NRG3: variants seen among roughly 807,000 people sequenced by gnomAD.
The protein encoded by NRG3 is neuregulin 3.
A neutral mutation model predicts 66.9 loss-of-function variants in NRG3; 31 were observed. The ratio of observed to expected loss-of-function variants is 0.46; its 90% CI spans 0.35 to 0.63. NRG3 has a LOEUF of 0.63. Among genes scored for constraint, NRG3 ranks in the 20% least tolerant of loss-of-function variants. NRG3 has a pLI of 0.00. For missense variants in NRG3, 910 were observed against 878.9 expected, an observed-to-expected ratio of 1.04 and a Z score of -0.45; for synonymous variants, 393 against 359.4, an observed-to-expected ratio of 1.09 and a Z score of -1.06.
intron 1 of NRG3, among the ~76,000 whole-genome samples, chr10:82,225,691 T>G (rs2076134662): frequency 6.6e-6 from 1 of 152,182 alleles, no homozygotes; most frequent in Non-Finnish European, 1.5e-5. Context: ...ACAGATGTAA[T>G]TAACTATGTG....
At chr10:82,206,294 C>T (rs2075111823) in intron 1 of NRG3, among the ~76,000 whole-genome samples, 1 of 152,182 alleles carries the variant, frequency 6.6e-6, no homozygotes, top group South Asian at 2.1e-4. Flanking sequence ...TTGGTCTCTT[C>T]CCCACCAGAG....
At chr10:82,398,325 A>C (rs2086848118) in intron 2 of NRG3, among the ~76,000 whole-genome samples, 1 of 152,032 alleles carries the variant, frequency 6.6e-6, no homozygotes, top group African/African-American at 2.4e-5. Flanking sequence ...ACAATCTAGG[A>C]AGGTTACTGA....
At chr10:82,816,459 G>A (rs1330106472) in intron 3 of NRG3, among the ~76,000 whole-genome samples, 1 of 152,084 alleles carries the variant, frequency 6.6e-6, no homozygotes, top group African/African-American at 2.4e-5. Context: ...TTGTCCTGAT[G>A]TCTTTCTGTG....
At chr10:82,283,820 G>A (rs1441880144) in intron 1 of NRG3, among the ~76,000 whole-genome samples, 1 of 152,076 alleles carries the variant, frequency 6.6e-6, no homozygotes, top group Non-Finnish European at 1.5e-5. Flanking sequence ...GATCTCTCAG[G>A]CCTGAGCCTA....
chr10:82,251,631 T>G (rs1203432730), intron 1 of NRG3, among the ~76,000 whole-genome samples: 1 of 152,106 alleles, frequency 6.6e-6, no homozygotes, highest in East Asian at 1.9e-4. Flanking sequence ...CAGATAACAC[T>G]TTGATTTTTT....
chr10:81,916,779 G>A (rs1845753505), intron 1 of NRG3, among the ~76,000 whole-genome samples: 1 of 152,180 alleles, frequency 6.6e-6, no homozygotes, highest in Admixed American at 6.5e-5. Context: ...GTTCCATGAG[G>A]ACAGCCAATG....
At chr10:82,922,305 C>T (rs971068591) in intron 4 of NRG3, among the ~76,000 whole-genome samples, 5 of 152,128 alleles carry the variant, frequency 3.3e-5, no homozygotes, top group Admixed American at 6.6e-5. Context: ...AGTTTTACTT[C>T]CTATTTCTCC....
intron 4 of NRG3, among the ~76,000 whole-genome samples, chr10:82,883,393 G>C (rs1194808017): frequency 1.3e-5 from 2 of 152,082 alleles, no homozygotes; most frequent in Non-Finnish European, 2.9e-5. Flanking sequence ...AAATCTGTCT[G>C]TCTGTATAGC....
intron 1 of NRG3, among the ~76,000 whole-genome samples, chr10:82,005,214 G>C (rs1168684515): frequency 1.3e-5 from 2 of 152,176 alleles, no homozygotes; most frequent in Non-Finnish European, 2.9e-5. Context: ...GTCATGGCCT[G>C]CCTGTAGTGG....
intron 1 of NRG3, among the ~76,000 whole-genome samples, chr10:82,014,223 C>T (rs189876228): frequency 6.6e-6 from 1 of 152,274 alleles, no homozygotes; most frequent in East Asian, 1.9e-4. Flanking sequence ...CTCTGTGCTA[C>T]TTCCATAAGC....
chr10:82,754,878 C>A (rs986516740), intron 3 of NRG3, among the ~76,000 whole-genome samples: 5 of 152,076 alleles, frequency 3.3e-5, no homozygotes, highest in African/African-American at 1.2e-4. Flanking sequence ...ATGTAAGGAG[C>A]ATGAGCAGAA....
chr10:82,430,459 A>C (rs990845074), intron 2 of NRG3, among the ~76,000 whole-genome samples: 1 of 152,028 alleles, frequency 6.6e-6, no homozygotes, highest in African/African-American at 2.4e-5. Context: ...GGGTTTCACC[A>C]TGTTAGCCAG....
chr10:82,591,908 A>C (rs909886208), intron 2 of NRG3, among the ~76,000 whole-genome samples: 1 of 152,166 alleles, frequency 6.6e-6, no homozygotes, highest in Non-Finnish European at 1.5e-5. Context: ...GTCACAAAAC[A>C]ATGTTTCTTT....
intron 4 of NRG3, among the ~76,000 whole-genome samples, chr10:82,936,906 T>C (rs774812812): frequency 1.3e-5 from 2 of 152,132 alleles, no homozygotes; most frequent in Non-Finnish European, 2.9e-5. Flanking sequence ...CCATCTGTAG[T>C]TTACATATAT....
chr10:82,091,231 G>T (rs764952822), intron 1 of NRG3, among the ~76,000 whole-genome samples: 5 of 152,000 alleles, frequency 3.3e-5, no homozygotes, highest in African/African-American at 1.2e-4. Context: ...TCACAATGTC[G>T]CGTAACTATT....
intron 3 of NRG3, among the ~76,000 whole-genome samples, chr10:82,840,638 C>T (rs1430656061): frequency 6.6e-6 from 1 of 152,080 alleles, no homozygotes; most frequent in Non-Finnish European, 1.5e-5. Context: ...AGAAAGCAAA[C>T]CTCAAATCTC....
intron 1 of NRG3, among the ~76,000 whole-genome samples, chr10:82,125,514 T>A (rs2068387586): frequency 6.6e-6 from 1 of 152,072 alleles, no homozygotes; most frequent in Admixed American, 6.6e-5. Context: ...GATAACTAGC[T>A]GGGACACCTC....
intron 1 of NRG3, among the ~76,000 whole-genome samples, chr10:82,074,823 C>A (rs1266387300): frequency 6.6e-6 from 1 of 152,174 alleles, no homozygotes; most frequent in Non-Finnish European, 1.5e-5. Flanking sequence ...GGAGACAGAG[C>A]TAGACCCTGT....
chr10:81,926,517 G>T (rs1046050168), intron 1 of NRG3, among the ~76,000 whole-genome samples: 4 of 152,048 alleles, frequency 2.6e-5, no homozygotes, highest in Non-Finnish European at 5.9e-5. Flanking sequence ...AGATAAAATA[G>T]AATTTAATTT....
Sources: allele counts gnomAD v4.1 joint callset (sites outside exome capture counted in the v4.1 genomes callset), GRCh38; gene constraint gnomAD v4.1.1; transcripts MANE v1.5; gene names NCBI Gene and HGNC (gene_info 2026-07-23, HGNC 2026-07-21).